Variants in DIAPH3 observed in about 807,000 individuals in gnomAD.
The protein encoded by DIAPH3 is diaphanous related formin 3.
Under a neutral mutation model 144.3 loss-of-function variants are expected in DIAPH3, and 117 were observed. The observed-to-expected ratio is 0.81, with a 90% confidence interval of 0.70 to 0.95. The LOEUF is 0.95. Ranked by LOEUF, DIAPH3 falls within the 40% of genes least tolerant of loss-of-function variation. The pLI, the probability that DIAPH3 is intolerant of heterozygous loss-of-function variation, is 0.00. For synonymous variants in DIAPH3, 519 were observed against 488.9 expected (o/e 1.06, Z -0.81); for missense variants, 1,421 against 1,412.7 (o/e 1.01, Z -0.09).
intron 7 of DIAPH3, among the ~76,000 whole-genome samples, 165 bp from the exon 8 acceptor site, chr13:60,010,834 G>A (rs529268848): frequency 7.9e-5 from 12 of 152,186 alleles, no homozygotes; most frequent in African/African-American, 9.6e-5. Context: ...GGCTGGGCAC[G>A]GTGGTTCACG....
rs1365931936 is a variant in DIAPH3 at position 59,873,587 on chromosome 13, C to T, written c.2607+5642G>A. On this transcript the variant is annotated intron_variant, in intron 21 of 27. Transcript: ENST00000400324. ...TTCCACTATGTGCCTGAAATTCACA[C>T]TCCTTTTCAAAGTTTTCATTTTCAG... Among the ~76,000 whole-genome samples, 3 of 152,048 alleles carry T rather than the reference C, an allele frequency of 2.0e-5. No homozygotes were observed. The South Asian group carries it at 6.2e-4, about 32-fold the overall frequency.
chr13:59,976,059 C>A (rs1157990916), intron 14 of DIAPH3, among the ~76,000 whole-genome samples: 1 of 151,922 alleles, frequency 6.6e-6, no homozygotes, highest in Non-Finnish European at 1.5e-5. Flanking sequence ...GCATAGTTTA[C>A]CTCTCTGTAC....
At chr13:59,905,911 A>G (rs911119781) in intron 20 of DIAPH3, among the ~76,000 whole-genome samples, 1 of 152,196 alleles carries the variant, frequency 6.6e-6, no homozygotes, top group African/African-American at 2.4e-5. Flanking sequence ...TGATCTCCAG[A>G]ATTGTAAGAT....
chr13:59,924,898 G>C (rs779047460), intron 17 of DIAPH3, 28 bp from the exon 18 acceptor site: 1 of 1,588,428 alleles, frequency 6.3e-7, no homozygotes, highest in South Asian at 1.1e-5. Flanking sequence ...ATCCATGTTA[G>C]GGGCAGCAAT....
intron 1 of DIAPH3, among the ~76,000 whole-genome samples, chr13:60,149,925 A>C (rs1951707425): frequency 6.6e-6 from 1 of 151,848 alleles, no homozygotes; most frequent in Non-Finnish European, 1.5e-5. Flanking sequence ...GGGGAGGGGG[A>C]CCTTAATTGG....
intron 17 of DIAPH3, among the ~76,000 whole-genome samples, chr13:59,954,768 A>G (rs2049294270): frequency 6.6e-6 from 1 of 152,116 alleles, no homozygotes. Flanking sequence ...AGTACATCCT[A>G]TATGACTGAA....
At chr13:59,813,504 C>T (rs1422974195) in intron 24 of DIAPH3, among the ~76,000 whole-genome samples, 1 of 151,972 alleles carries the variant, frequency 6.6e-6, no homozygotes, top group African/African-American at 2.4e-5. Context: ...CACCATATTG[C>T]TTCATATTAT....
intron 9 of DIAPH3, among the ~76,000 whole-genome samples, chr13:60,007,616 T>C (rs923095391): frequency 1.6e-4 from 24 of 152,212 alleles, no homozygotes; most frequent in Non-Finnish European, 3.1e-4. Context: ...GGTCACACCA[T>C]GCCAATTAAG....
intron 27 of DIAPH3, among the ~76,000 whole-genome samples, chr13:59,747,660 C>T (rs1194719098): frequency 6.6e-6 from 1 of 152,174 alleles, no homozygotes; most frequent in Non-Finnish European, 1.5e-5. Context: ...AGCACCCAGA[C>T]AAGATTTCCT....
intron 17 of DIAPH3, among the ~76,000 whole-genome samples, chr13:59,947,077 T>G (rs1019214949): frequency 6.6e-6 from 1 of 152,224 alleles, no homozygotes. Flanking sequence ...AGGGCATATC[T>G]GCAACCACTT....
intron 22 of DIAPH3, among the ~76,000 whole-genome samples, chr13:59,851,002 G>A (rs2042935780): frequency 6.8e-6 from 1 of 147,882 alleles, no homozygotes; most frequent in South Asian, 2.3e-4. Context: ...TAGAAAAAGA[G>A]GGAACCCTCC....
intron 25 of DIAPH3, among the ~76,000 whole-genome samples, chr13:59,785,198 AG>A (rs2038969918): frequency 6.6e-6 from 1 of 152,224 alleles, no homozygotes; most frequent in East Asian, 1.9e-4. Flanking sequence ...CTCAACCACA[AG>A]AAGTGGAATT....
chr13:60,117,332 A>G (rs886294585), intron 2 of DIAPH3, among the ~76,000 whole-genome samples: 2 of 152,060 alleles, frequency 1.3e-5, no homozygotes, highest in Non-Finnish European at 2.9e-5. Flanking sequence ...GTAATATGAG[A>G]TACAAAAGGA....
intron 1 of DIAPH3, among the ~76,000 whole-genome samples, chr13:60,138,527 G>T (rs1323942804): frequency 6.6e-6 from 1 of 152,234 alleles, no homozygotes; most frequent in Non-Finnish European, 1.5e-5. Context: ...CTGCCATGAA[G>T]TGAAAGGTAC....
intron 27 of DIAPH3, among the ~76,000 whole-genome samples, chr13:59,705,677 C>T (rs1401559592): frequency 1.3e-5 from 2 of 152,080 alleles, no homozygotes; most frequent in African/African-American, 4.8e-5. Flanking sequence ...TTATTTTAGT[C>T]TTATGGCTGA....
At chr13:59,868,566 C>T (rs1265519623) in intron 21 of DIAPH3, among the ~76,000 whole-genome samples, 1 of 152,060 alleles carries the variant, frequency 6.6e-6, no homozygotes, top group Non-Finnish European at 1.5e-5. Flanking sequence ...AGTATTGACA[C>T]GTTATTGTTA....
chr13:60,046,308 G>A (rs950026953), intron 4 of DIAPH3, among the ~76,000 whole-genome samples: 1 of 152,018 alleles, frequency 6.6e-6, no homozygotes, highest in Non-Finnish European at 1.5e-5. Flanking sequence ...CTCAATTACT[G>A]TAAGGATATA....
intron 12 of DIAPH3, among the ~76,000 whole-genome samples, chr13:59,988,168 T>G (rs1378124637): frequency 6.6e-6 from 1 of 151,802 alleles, no homozygotes; most frequent in Non-Finnish European, 1.5e-5. Flanking sequence ...AGAGTGAAAA[T>G]GTTTAAGAAA....
intron 1 of DIAPH3, among the ~76,000 whole-genome samples, chr13:60,156,429 C>G (rs1309438827): frequency 6.6e-6 from 1 of 152,154 alleles, no homozygotes; most frequent in African/African-American, 2.4e-5. Context: ...TAAATACCCT[C>G]TTCATAGGGA....
Sources: allele counts gnomAD v4.1 joint callset (sites outside exome capture counted in the v4.1 genomes callset), GRCh38; gene constraint gnomAD v4.1.1; transcripts MANE v1.5; gene names NCBI Gene and HGNC (gene_info 2026-07-23, HGNC 2026-07-21).